MBTPS2: variants seen among roughly 807,000 people sequenced by gnomAD.
MBTPS2 encodes membrane-bound transcription factor site-2 protease.
MBTPS2 carries 2 observed loss-of-function variants against 35.4 expected under a neutral mutation model. The observed-to-expected ratio is 0.06, with a 90% CI of 0.02 to 0.18. The LOEUF is 0.18. MBTPS2 is among the 10% of genes least tolerant of loss of function. MBTPS2 has a pLI of 1.00. For synonymous variants in MBTPS2, 125 were observed against 140.4 expected, an observed-to-expected ratio of 0.89 and a Z score of 0.77; for missense variants, 244 against 386.5, an observed-to-expected ratio of 0.63 and a Z score of 3.09.
At chrX:21,842,445 T>A (rs1002745241) in intron 1 of MBTPS2, among the ~76,000 whole-genome samples, 8 of 110,196 alleles carry the variant, frequency 7.3e-5, no homozygotes, top group Admixed American at 1.9e-4. Context: ...TTTTTTTTTT[T>A]AAATTATAAC....
chrX:21,859,469 G>T (rs1356917918), intron 5 of MBTPS2, among the ~76,000 whole-genome samples: 1 of 98,563 alleles, frequency 1.0e-5, no homozygotes, highest in Non-Finnish European at 2.0e-5. Flanking sequence ...ACCTATTTTA[G>T]TCATTTTATT....
At position 21,875,294 on chromosome X, in the gene MBTPS2, T is replaced by G. The variant is rs180756188; in HGVS notation, c.971-2748T>G. Reference sequence around the variant, plus strand: ...AACAGGCTTCACATGAAGGTTCAGATTTCTGGTTTCTGTTGGGACAAAATG... The same window carrying G: ...AACAGGCTTCACATGAAGGTTCAGAGTTCTGGTTTCTGTTGGGACAAAATG... On this transcript the variant is annotated intron_variant, in intron 7 of 10. Coordinates refer to ENST00000379484, the MANE Select transcript of MBTPS2 (RefSeq NM_015884.4). Among the ~76,000 whole-genome samples the G allele has an allele frequency of 2.5e-4, 28 of 112,184 alleles. 1 individual carries two copies. The East Asian group carries it at 7.8e-3, about 31-fold the overall frequency.
chrX:21,877,239 C>G (rs921927020), intron 7 of MBTPS2, among the ~76,000 whole-genome samples: 1 of 111,469 alleles, frequency 9.0e-6, no homozygotes, highest in Non-Finnish European at 1.9e-5. Flanking sequence ...GTCAGGAGTT[C>G]GAGACCAGCC....
chrX:21,858,167 T>G (rs1391153106), intron 5 of MBTPS2: 3 of 124,823 alleles, frequency 2.4e-5, no homozygotes, highest in African/African-American at 9.6e-5. Context: ...TTAATCTTGG[T>G]TGTAGTCTTG....
chrX:21,870,395 C>T lies in MBTPS2; in HGVS notation c.970+717C>T, dbSNP rs752133207. On this transcript the variant is annotated intron_variant, in intron 7 of 10. Transcript: ENST00000379484. ...AGTAATAAGAACCGGTTCTACTTTG[C>T]ATAAGCTTATGTCAGAACAGATAAA... 2.7e-5 allele frequency: 3 copies of T among 111,225 alleles called. No individual in the cohort carries two copies. In the East Asian group the frequency reaches 8.4e-4, roughly 31 times the overall value. The allele number at this position is 111,225 out of a possible 1,213,427, so 9.2% of individuals were successfully genotyped here.
At chrX:21,857,671 C>G (rs2147438793) in intron 5 of MBTPS2, 2 of 1,048,523 alleles carry the variant, frequency 1.9e-6, no homozygotes, top group East Asian at 3.1e-5. Context: ...AAATATGCCT[C>G]TCAAAGCTTT....
intron 2 of MBTPS2, among the ~76,000 whole-genome samples, 178 bp downstream of exon 2, chrX:21,843,496 A>C (rs2092905080): frequency 8.9e-6 from 1 of 112,133 alleles, no homozygotes; most frequent in South Asian, 3.7e-4. Flanking sequence ...GCTTGCATAC[A>C]TTAAAAATCA....
chrX:21,855,091 TAAG>T (rs1333055255), intron 5 of MBTPS2, among the ~76,000 whole-genome samples: 2 of 111,030 alleles, frequency 1.8e-5, no homozygotes, highest in Non-Finnish European at 1.9e-5. Flanking sequence ...GTAAAATAAT[TAAG>T]AAATGATGAC....
intron 9 of MBTPS2, 40 bp from the exon 10 acceptor site, chrX:21,880,857 G>T: frequency 1.1e-6 from 1 of 902,898 alleles, no homozygotes; most frequent in Non-Finnish European, 1.6e-6. Flanking sequence ...TGATTCTCTG[G>T]TATGAATAAT....
Position 21,884,542 on chromosome X carries a change from T to G in MBTPS2, c.*1887T>G. On this transcript the variant is annotated 3_prime_UTR_variant, in exon 11 of 11. Coordinates refer to ENST00000379484, the MANE Select transcript of MBTPS2 (RefSeq NM_015884.4). ...CTCATTTTATTTCAACTGTTAAACA[T>G]TTTGATCTGTTGACCCATAGGATCA... The G allele has an allele frequency of 1.3e-6, 1 of 754,008 alleles. No homozygotes were observed. The highest frequency in any genetic ancestry group is 1.6e-6 in the Non-Finnish European group (1 of 638,958). The allele number at this position is 754,008 out of a possible 1,213,427, so 62.1% of individuals were successfully genotyped here. A position where few individuals can be genotyped will look rare whatever the true frequency, so the allele number is the denominator to read the frequency against.
chrX:21,848,536 C>T (rs777264202), intron 3 of MBTPS2, among the ~76,000 whole-genome samples: 21 of 109,247 alleles, frequency 1.9e-4, no homozygotes, highest in South Asian at 1.2e-3. Flanking sequence ...AAAAATTAGC[C>T]GGGCGTGGTG....
intron 7 of MBTPS2, 80 bp downstream of exon 7, chrX:21,869,758 C>G (rs989771274): frequency 6.4e-5 from 50 of 782,586 alleles, no homozygotes; most frequent in Non-Finnish European, 7.5e-5. Flanking sequence ...CATGTCTATA[C>G]ATTTATTCTG....
intron 5 of MBTPS2, among the ~76,000 whole-genome samples, chrX:21,864,876 CTTTCT>C (rs1175547519): frequency 2.1e-5 from 2 of 95,078 alleles, no homozygotes; most frequent in Non-Finnish European, 4.2e-5. Context: ...TTCTTTCTTT[CTTTCT>C]TTTTTTTTTT....
chrX:21,865,025 G>C (rs1423581488), intron 5 of MBTPS2, among the ~76,000 whole-genome samples: 1 of 106,181 alleles, frequency 9.4e-6, no homozygotes, highest in Non-Finnish European at 1.9e-5. Flanking sequence ...TGGCACCACA[G>C]GTGTGCACCA....
intron 5 of MBTPS2, among the ~76,000 whole-genome samples, chrX:21,867,077 T>C (rs2092941066): frequency 9.1e-6 from 1 of 109,633 alleles, no homozygotes; most frequent in Admixed American, 9.8e-5. Context: ...TTGGTGGTTG[T>C]CAAAATGATT....
At chrX:21,861,110 A>C (rs1307110346) in intron 5 of MBTPS2, among the ~76,000 whole-genome samples, 1 of 112,288 alleles carries the variant, frequency 8.9e-6, no homozygotes, top group Non-Finnish European at 1.9e-5. Flanking sequence ...TCAATCAAAA[A>C]ATGGCAATGG....
At position 21,878,190 on chromosome X, in the gene MBTPS2, G is replaced by A. The variant is rs1248568718; in HGVS notation, c.1065+54G>A. 20 of 822,723 alleles carry A rather than the reference G, an allele frequency of 2.4e-5. No individual in the cohort carries two copies. In the South Asian group the frequency reaches 4.0e-4, roughly 17 times the overall value. 67.8% of individuals were successfully genotyped at this position (822,723 alleles called of 1,213,427 possible). On this transcript the variant is annotated intron_variant, in intron 8 of 10. Transcript: ENST00000379484. ...GTCTGATATAATTACTAAAAAATAA[G>A]CATATAGAGCTAAAATGGAATCTAT...
At chrX:21,847,804 G>A in intron 3 of MBTPS2, among the ~76,000 whole-genome samples, 1 of 111,931 alleles carries the variant, frequency 8.9e-6, no homozygotes, top group Middle Eastern at 4.6e-3. Flanking sequence ...AAAGATGTCT[G>A]ACAACTTAGG....
chrX:21,851,316 C>G (rs915486813), intron 3 of MBTPS2, among the ~76,000 whole-genome samples, 193 bp from the exon 4 acceptor site: 1 of 111,639 alleles, frequency 9.0e-6, no homozygotes, highest in Non-Finnish European at 1.9e-5. Flanking sequence ...CTGGCTAGTT[C>G]GAAAAATGAA....
Sources: gnomAD v4.1 joint callset for allele counts (sites outside exome capture counted in the v4.1 genomes callset) on GRCh38, gnomAD v4.1.1 for gene constraint, MANE v1.5 for transcripts, NCBI Gene and HGNC (gene_info 2026-07-23, HGNC 2026-07-21) for gene names.